The following BORCS5 variants were observed in gnomAD, a reference collection of about 807,000 sequenced individuals.
BORCS5 encodes the protein BLOC-1 related complex subunit 5, also known as BLOC-1-related complex subunit 5.
A neutral mutation model predicts 22.1 loss-of-function variants in BORCS5; 17 were observed. The ratio of observed to expected loss-of-function variants is 0.77; its 90% CI spans 0.53 to 1.15. The LOEUF (loss-of-function observed/expected upper bound fraction) is 1.15, where lower values mean the gene tolerates loss of function less well. Among genes scored for constraint, BORCS5 ranks in the 50% most tolerant of loss-of-function variants. The pLI is 0.00. For synonymous variants in BORCS5, 117 were observed against 99.8 expected (o/e 1.17, Z -1.03); for missense variants, 247 against 253.2 (o/e 0.98, Z 0.17).
At chr12:12,359,450 C>T (rs1863225852) in intron 1 of BORCS5, among the ~76,000 whole-genome samples, 1 of 151,106 alleles carries the variant, frequency 6.6e-6, no homozygotes, top group South Asian at 2.1e-4. Context: ...CAACCTCCGC[C>T]TCCCGGATTC....
chr12:12,417,092 A>T (rs1193439039), intron 2 of BORCS5, among the ~76,000 whole-genome samples: 2 of 152,034 alleles, frequency 1.3e-5, no homozygotes, highest in Non-Finnish European at 2.9e-5. Flanking sequence ...TGCCCAGCCT[A>T]ATGTAAACAT....
chr12:12,391,805 G>T (rs1438622977), intron 2 of BORCS5, among the ~76,000 whole-genome samples: 2 of 146,910 alleles, frequency 1.4e-5, no homozygotes, highest in African/African-American at 2.5e-5. Flanking sequence ...GCCAAGGTGG[G>T]CAGATCGCTT....
In BORCS5 at chr12:12,465,725, C is replaced by T. The variant is rs370812600; in HGVS notation, c.540C>T (p.Gly180=). 2.4e-5 allele frequency: 39 copies of T among 1,613,962 alleles called. No individual in the cohort carries two copies. Among genetic ancestry groups the T allele is most frequent in the African/African-American group, 6.7e-5 (5 of 74,948 alleles). The change falls in exon 4 of 4, where the codon GGC becomes GGT. Residue 180 remains glycine, a synonymous_variant. Transcript: ENST00000314565. ...GGCTCAACAGCATGCTGCCCGAGGG[C>T]GAGCGGCTGGAGCCCTTCAGCATGA... ...LDRLNSMLPE[G]ERLEPFSMKP...
At chr12:12,357,785 G>A (rs1026806397) in intron 1 of BORCS5, among the ~76,000 whole-genome samples, 2 of 152,190 alleles carry the variant, frequency 1.3e-5, no homozygotes, top group Non-Finnish European at 2.9e-5. Flanking sequence ...TAAAAGACGA[G>A]CTAATTAATT....
chr12:12,439,810 C>T (rs895724228), intron 3 of BORCS5, among the ~76,000 whole-genome samples: 10 of 152,130 alleles, frequency 6.6e-5, no homozygotes, highest in South Asian at 4.1e-4. Context: ...GTAATGTGTC[C>T]GTCTTATCTC....
intron 2 of BORCS5, among the ~76,000 whole-genome samples, chr12:12,409,524 C>A (rs1401625547): frequency 6.6e-6 from 1 of 152,118 alleles, no homozygotes; most frequent in Non-Finnish European, 1.5e-5. Flanking sequence ...ATGATGGTTT[C>A]CAGCTTCATC....
At chr12:12,385,967 T>G (rs966236685) in intron 2 of BORCS5, among the ~76,000 whole-genome samples, 1 of 151,266 alleles carries the variant, frequency 6.6e-6, no homozygotes, top group Non-Finnish European at 1.5e-5. Flanking sequence ...TCTCCTCATT[T>G]GGATTTATCA....
chr12:12,396,525 C>T (rs1286859888), intron 2 of BORCS5, among the ~76,000 whole-genome samples: 1 of 152,060 alleles, frequency 6.6e-6, no homozygotes, highest in Non-Finnish European at 1.5e-5. Flanking sequence ...TTGTTTTGCC[C>T]TAGGTCCGCT....
chr12:12,430,007 T>C (rs1942381191), intron 2 of BORCS5, among the ~76,000 whole-genome samples: 1 of 152,144 alleles, frequency 6.6e-6, no homozygotes, highest in African/African-American at 2.4e-5. Context: ...ATTCCAGCAA[T>C]AGAACTGCAT....
At position 12,434,752 on chromosome 12, in the gene BORCS5, G is replaced by T. The variant is rs143300032; in HGVS notation, c.203-876G>T. ...TATATTTAAATGATTTAATATTTAA[G>T]AATGTTCTCAGTTTTAATTTTTATA... On this transcript the variant is annotated intron_variant, in intron 2 of 3. Transcript: ENST00000314565. Among the ~76,000 whole-genome samples, 604 of 152,294 alleles carry T rather than the reference G, an allele frequency of 4.0e-3. 5 individuals carry two copies. The highest frequency in any genetic ancestry group is 0.014 in the African/African-American group (571 of 41,570).
intron 2 of BORCS5, among the ~76,000 whole-genome samples, chr12:12,426,338 G>A (rs976251505): frequency 2.6e-5 from 4 of 152,160 alleles, no homozygotes; most frequent in African/African-American, 9.7e-5. Context: ...CCAAGTAGTT[G>A]GTAACTACAG....
intron 1 of BORCS5, among the ~76,000 whole-genome samples, chr12:12,360,622 G>A (rs886253847): frequency 7.3e-6 from 1 of 137,534 alleles, no homozygotes; most frequent in Non-Finnish European, 1.5e-5. Context: ...TGTTGCCCAG[G>A]TTGGTCTTGA....
At chr12:12,389,769 G>A (rs757098709) in intron 2 of BORCS5, among the ~76,000 whole-genome samples, 1 of 152,080 alleles carries the variant, frequency 6.6e-6, no homozygotes, top group Non-Finnish European at 1.5e-5. Flanking sequence ...ACAGTCACCC[G>A]AGTAGCAGGG....
At chr12:12,441,232 T>C (rs1194200498) in intron 3 of BORCS5, among the ~76,000 whole-genome samples, 1 of 152,150 alleles carries the variant, frequency 6.6e-6, no homozygotes, top group African/African-American at 2.4e-5. Context: ...CAGTAATGAG[T>C]GCCATTAGGC....
chr12:12,364,921 T>G (rs894581925), intron 2 of BORCS5, among the ~76,000 whole-genome samples: 1 of 152,166 alleles, frequency 6.6e-6, no homozygotes, highest in Non-Finnish European at 1.5e-5. Flanking sequence ...GAGCCAAGAT[T>G]GCATCACTGC....
intron 3 of BORCS5, among the ~76,000 whole-genome samples, chr12:12,453,699 C>T (rs1942953276): frequency 6.6e-6 from 1 of 152,148 alleles, no homozygotes; most frequent in Non-Finnish European, 1.5e-5. Flanking sequence ...TTATCATTCA[C>T]GTAGTTCACC....
At position 12,411,125 on chromosome 12, in the gene BORCS5, C is replaced by CTGA. The variant is rs1184656590; in HGVS notation, c.203-24502_203-24500dup. 2.6e-5 allele frequency among the ~76,000 whole-genome samples: 4 copies of CTGA among 152,246 alleles called. No individual in the cohort carries two copies. The East Asian group carries it at 7.7e-4, about 29-fold the overall frequency. ...CTTATCAGCTTAAGGAGGTTTTGGG[C>CTGA]TGAGACCATGGGGTTTTCTAGATAT... On this transcript the variant is annotated intron_variant, in intron 2 of 3. Transcript: ENST00000314565.
chr12:12,426,485 G>A (rs1942290461), intron 2 of BORCS5, among the ~76,000 whole-genome samples: 1 of 152,214 alleles, frequency 6.6e-6, no homozygotes, highest in Admixed American at 6.5e-5. Context: ...GAAATACTGT[G>A]TCTACTTTTG....
chr12:12,450,956 A>G lies in BORCS5; in HGVS notation c.361-14590A>G, dbSNP rs1016401012. On this transcript the variant is annotated intron_variant, in intron 3 of 3. Coordinates refer to ENST00000314565, the MANE Select transcript of BORCS5 (RefSeq NM_058169.6). ...TTTTATTACAATAATTAAAATAACT[A>G]GAGAATTTGTGTATATTATATACTG... 4.6e-5 allele frequency among the ~76,000 whole-genome samples: 7 copies of G among 152,232 alleles called. No homozygotes were observed. In the East Asian group the frequency reaches 1.3e-3, roughly 29 times the overall value.
Sources: allele counts gnomAD v4.1 joint callset (sites outside exome capture counted in the v4.1 genomes callset), GRCh38; gene constraint gnomAD v4.1.1; transcripts MANE v1.5; gene names NCBI Gene and HGNC (gene_info 2026-07-23, HGNC 2026-07-21).